Variants in SLC7A7 observed in about 807,000 individuals in gnomAD.
SLC7A7 encodes Y+L amino acid transporter 1.
Under a neutral mutation model 47.9 loss-of-function variants are expected in SLC7A7, and 39 were observed. The ratio of observed to expected loss-of-function variants is 0.81; its 90% confidence interval spans 0.63 to 1.06. The LOEUF is 1.06. Among genes scored for constraint, SLC7A7 ranks in the 50% least tolerant of loss-of-function variants. The probability of loss-of-function intolerance (pLI) is 0.00; values close to 1 mark genes in which losing one functional copy is unlikely to be tolerated. For missense variants in SLC7A7, 588 were observed against 632.0 expected (o/e 0.93, Z 0.75); for synonymous variants, 234 against 242.8 (o/e 0.96, Z 0.34).
intron 2 of SLC7A7, among the ~76,000 whole-genome samples, chr14:22,797,141 C>T (rs1030278235): frequency 2.6e-5 from 4 of 152,140 alleles, no homozygotes; most frequent in Non-Finnish European, 5.9e-5. Flanking sequence ...GTGACTAGCT[C>T]CAAAGCCTAC....
In SLC7A7 at chr14:22,773,286, A is replaced by G. The variant is rs1211426558; in HGVS notation, c.*324T>C. On this transcript the variant is annotated 3_prime_UTR_variant, in exon 10 of 10. Coordinates refer to ENST00000674313, the MANE Select transcript of SLC7A7 (RefSeq NM_003982.4). ...ATAGTTTCATGTCTCTCTAAAGGAG[A>G]CAGGAAATTGGAGCATTGTGGGCCC... is the stretch of plus-strand genomic sequence containing the variant. 2.1e-6 allele frequency: 1 copy of G among 480,530 alleles called. No homozygotes were observed. The highest frequency in any genetic ancestry group is 6.4e-4 in the Middle Eastern group (1 of 1,574). The allele number at this position is 480,530 out of a possible 1,614,324, so 29.8% of individuals were successfully genotyped here. A position where few individuals can be genotyped will look rare whatever the true frequency, so the allele number is the denominator to read the frequency against.
intron 2 of SLC7A7, among the ~76,000 whole-genome samples, chr14:22,806,187 CTTTTTTTTTT>C (rs77783824): frequency 1.3e-5 from 1 of 78,278 alleles, no homozygotes; most frequent in African/African-American, 5.4e-5. Context: ...ACATCAATCT[CTTTTTTTTTT>C]TTTTTTTTTT....
intron 2 of SLC7A7, among the ~76,000 whole-genome samples, chr14:22,794,938 C>A (rs2038984657): frequency 1.3e-5 from 2 of 150,362 alleles, no homozygotes; most frequent in South Asian, 4.1e-4. Flanking sequence ...ACAAGACCCT[C>A]ATCAATTCTC....
chr14:22,816,396 G>C (rs1337878236), upstream of SLC7A7: 1 of 152,152 alleles, frequency 6.6e-6, no homozygotes, highest in East Asian at 1.9e-4. Context: ...TATTCGGGAG[G>C]CTGAGGCAGG....
rs907074483 is a variant in SLC7A7 at position 22,773,590 on chromosome 14, A to G, written c.*20T>C. 1.9e-6 allele frequency: 3 copies of G among 1,602,148 alleles called. No individual in the cohort carries two copies. The highest frequency in any genetic ancestry group is 2.7e-5 in the African/African-American group (2 of 74,770). On this transcript the variant is annotated 3_prime_UTR_variant, in exon 10 of 10. Transcript: ENST00000674313. The stretch of plus-strand genomic sequence containing the variant: ...TAGACCAGAAACCCCTGCTTTCCAC[A>G]TCAGGATTCCAGATGGTGTTTAGTT...
intron 4 of SLC7A7, among the ~76,000 whole-genome samples, chr14:22,776,521 G>A (rs867056016): frequency 6.6e-6 from 1 of 152,294 alleles, no homozygotes; most frequent in African/African-American, 2.4e-5. Context: ...TTAGGGGAAA[G>A]GAATATCATA....
chr14:22,802,318 C>T (rs1274371432), intron 2 of SLC7A7, among the ~76,000 whole-genome samples: 1 of 151,880 alleles, frequency 6.6e-6, no homozygotes, highest in Non-Finnish European at 1.5e-5. Context: ...CAGGAGAATC[C>T]CTTGAACCCG....
At chr14:22,816,870 C>T (rs1282099717), upstream of SLC7A7, among the ~76,000 whole-genome samples, 2 of 151,884 alleles carry the variant, frequency 1.3e-5, no homozygotes, top group Non-Finnish European at 2.9e-5. Flanking sequence ...GTGAGCGTTC[C>T]CAGAGATCAT....
At chr14:22,773,818 C>T (rs776819254) in intron 9 of SLC7A7, 102 bp from the exon 10 acceptor site, 91 of 1,548,746 alleles carry the variant, frequency 5.9e-5, no homozygotes, top group Non-Finnish European at 6.6e-5. Context: ...TCCACTAAGC[C>T]GAAGGGTTCA....
intron 2 of SLC7A7, 95 bp downstream of exon 2, chr14:22,812,805 A>G: frequency 9.8e-7 from 1 of 1,024,958 alleles, no homozygotes; most frequent in Non-Finnish European, 1.4e-6. Context: ...TGTCAGAGAC[A>G]TTCCTCTCTA....
Position 22,774,482 on chromosome 14 carries a change from A to G in SLC7A7, c.1117T>C (p.Leu373=), listed in dbSNP as rs769906633. ...LFNGIMALIY[L]CVEDIFQLIN... ...AGCTGGAAGATGTCTTCCACGCACA[A>G]GTAGATCAATGCCATGATACCCTGT... The change falls in exon 8 of 10, where the codon TTG becomes CTG. Residue 373 remains leucine, a synonymous_variant. Transcript: ENST00000674313. 17 of 1,614,060 alleles carry G rather than the reference A, an allele frequency of 1.1e-5. No individual in the cohort carries two copies. The highest frequency in any genetic ancestry group is 1.7e-5 in the Admixed American group (1 of 59,996).
chr14:22,813,238 C>A lies in SLC7A7; in HGVS notation c.161G>T (p.Gly54Val), dbSNP rs121908677. Residue 54 changes from glycine (G) to valine (V), a missense_variant, in exon 2 of 10, where the codon GGC (glycine) becomes GTC (valine). Physicochemically the swap from Gly to Val is moderately radical, Grantham distance 109 (BLOSUM62 -3). Transcript: ENST00000674313. ...CACACCCTTGGGGGAAACAAAGATG[C>A]CCGAGCCGATCATGTTCCCCACAAT... ...CLIVGNMIGS[G>V]IFVSPKGVLI... The A allele has an allele frequency of 5.0e-6, 8 of 1,613,766 alleles. No homozygotes were observed. Among genetic ancestry groups the A allele is most frequent in the Non-Finnish European group, 5.9e-6 (7 of 1,179,816 alleles).
intron 2 of SLC7A7, among the ~76,000 whole-genome samples, chr14:22,803,342 C>A (rs1011948606): frequency 6.6e-6 from 1 of 152,104 alleles, no homozygotes; most frequent in African/African-American, 2.4e-5. Flanking sequence ...CGCTTGAACC[C>A]GGAAGGCGGA....
intron 3 of SLC7A7, among the ~76,000 whole-genome samples, chr14:22,779,472 G>A (rs1316143551): frequency 5.1e-5 from 7 of 137,692 alleles, no homozygotes; most frequent in Non-Finnish European, 8.5e-5. Flanking sequence ...TTTTTGGGGG[G>A]GGGACAGAGT....
At chr14:22,780,131 C>T in intron 2 of SLC7A7, 80 bp from the exon 3 acceptor site, 3 of 1,588,770 alleles carry the variant, frequency 1.9e-6, no homozygotes, top group South Asian at 1.1e-5. Context: ...TTTCCAGTAC[C>T]AGTCACCAAG....
intron 4 of SLC7A7, 46 bp from the exon 5 acceptor site, chr14:22,776,364 C>T (rs750408137): frequency 6.2e-7 from 1 of 1,613,386 alleles, no homozygotes; most frequent in Non-Finnish European, 8.5e-7. Flanking sequence ...ACAGTCATAT[C>T]CCTATCTCTC....
At chr14:22,814,696 C>T (rs12432242) in intron 1 of SLC7A7, 88,160 of 152,478 alleles carry the variant, frequency 0.58, 25,900 homozygotes, top group East Asian at 0.8. Flanking sequence ...GGAACTGACC[C>T]TACCAGCAGC....
At chr14:22,803,873 C>T (rs775591079) in intron 2 of SLC7A7, among the ~76,000 whole-genome samples, 2 of 152,204 alleles carry the variant, frequency 1.3e-5, no homozygotes, top group Admixed American at 6.5e-5. Flanking sequence ...CCACACTGTG[C>T]GTTCCCTACA....
intron 2 of SLC7A7, among the ~76,000 whole-genome samples, chr14:22,800,623 A>G (rs140016003): frequency 6.6e-6 from 1 of 152,236 alleles, no homozygotes; most frequent in African/African-American, 2.4e-5. Flanking sequence ...GAAAGACCAC[A>G]TGGAAAGACT....
Sources: allele counts gnomAD v4.1 joint callset (sites outside exome capture counted in the v4.1 genomes callset), GRCh38; gene constraint gnomAD v4.1.1; transcripts MANE v1.5; gene names NCBI Gene and HGNC (gene_info 2026-07-23, HGNC 2026-07-21).